STX18: variants seen among roughly 807,000 people sequenced by gnomAD.
STX18 encodes the protein syntaxin 18.
A neutral mutation model predicts 50.1 loss-of-function variants in STX18; 40 were observed. That is an observed-to-expected ratio of 0.80 (90% CI 0.62 to 1.04). STX18 has a LOEUF of 1.04. Among genes scored for constraint, STX18 ranks in the 50% least tolerant of loss-of-function variants. The pLI is 0.00. For missense variants in STX18, 410 were observed against 415.8 expected, an observed-to-expected ratio of 0.99 and a Z score of 0.12; for synonymous variants, 158 against 151.8, an observed-to-expected ratio of 1.04 and a Z score of -0.30.
chr4:4,467,897 C>CA (rs1043625382), intron 2 of STX18, among the ~76,000 whole-genome samples: 3 of 151,574 alleles, frequency 2.0e-5, no homozygotes, highest in Non-Finnish European at 4.4e-5. Flanking sequence ...TGAGAGGAGC[C>CA]AAAAAAATAC....
At chr4:4,448,800 C>A (rs757474397) in intron 5 of STX18, among the ~76,000 whole-genome samples, 6 of 152,162 alleles carry the variant, frequency 3.9e-5, no homozygotes, top group Non-Finnish European at 7.4e-5. Flanking sequence ...TACCACCTAA[C>A]CTCTAGGCCT....
At chr4:4,535,944 C>A (rs1013489905) in intron 1 of STX18, among the ~76,000 whole-genome samples, 3 of 152,204 alleles carry the variant, frequency 2.0e-5, no homozygotes, top group Admixed American at 1.3e-4. Context: ...AACACTGGCA[C>A]AGAAAGTCAA....
chr4:4,511,743 T>TGTGC (rs1730016565), intron 1 of STX18, among the ~76,000 whole-genome samples: 1 of 150,870 alleles, frequency 6.6e-6, no homozygotes, highest in African/African-American at 2.5e-5. Flanking sequence ...TGTGTGTGTG[T>TGTGC]GTGTGTGTGT....
At chr4:4,523,464 C>T (rs147005777) in intron 1 of STX18, among the ~76,000 whole-genome samples, 1 of 152,296 alleles carries the variant, frequency 6.6e-6, no homozygotes, top group African/African-American at 2.4e-5. Context: ...TTACAACTGC[C>T]TGGGAAACGT....
In STX18 at chr4:4,419,492, A is replaced by G. The variant is rs1231673989; in HGVS notation, c.*542T>C. ...CAACACATTAAGGGGCTGTAATTAT[A>G]TTTATTAGATTAACAAGGCAGATGT... On this transcript the variant is annotated 3_prime_UTR_variant, in exon 11 of 11. Transcript: ENST00000306200. The G allele has an allele frequency of 6.6e-6, 1 of 152,600 alleles. No individual in the cohort carries two copies. The highest frequency in any genetic ancestry group is 1.5e-5 in the Non-Finnish European group (1 of 68,328). The allele number at this position is 152,600 out of a possible 1,614,324, so 9.5% of individuals were successfully genotyped here.
chr4:4,427,015 T>C (rs1376021093), intron 7 of STX18, among the ~76,000 whole-genome samples: 1 of 152,180 alleles, frequency 6.6e-6, no homozygotes, highest in Non-Finnish European at 1.5e-5. Context: ...TCTCTTACTT[T>C]CTCACTCTTG....
chr4:4,520,159 T>C (rs1449488006), intron 1 of STX18, among the ~76,000 whole-genome samples: 1 of 152,194 alleles, frequency 6.6e-6, no homozygotes, highest in Non-Finnish European at 1.5e-5. Context: ...ATACATTTTA[T>C]TGCTTTTCAG....
At chr4:4,445,431 CA>C (rs1318714682) in intron 5 of STX18, among the ~76,000 whole-genome samples, 2 of 147,624 alleles carry the variant, frequency 1.4e-5, no homozygotes, top group Admixed American at 6.7e-5. Context: ...AAACAAAAAA[CA>C]AAAAAAAAGA....
At chr4:4,487,628 G>A (rs1560189462) in intron 1 of STX18, among the ~76,000 whole-genome samples, 1 of 152,164 alleles carries the variant, frequency 6.6e-6, no homozygotes, top group Admixed American at 6.5e-5. Context: ...CCAAAGAGGT[G>A]TTACCTGCAG....
intron 1 of STX18, among the ~76,000 whole-genome samples, chr4:4,497,326 A>T (rs1349086230): frequency 6.6e-6 from 1 of 152,238 alleles, no homozygotes; most frequent in Non-Finnish European, 1.5e-5. Flanking sequence ...CTTATAATGC[A>T]CCATCAGGGC....
intron 1 of STX18, among the ~76,000 whole-genome samples, chr4:4,540,822 ATC>A (rs1731551662): frequency 6.6e-6 from 1 of 152,226 alleles, no homozygotes; most frequent in African/African-American, 2.4e-5. Context: ...ATTCAAAAAT[ATC>A]TGAGTGTCTA....
chr4:4,420,572 T>G lies in STX18; in HGVS notation c.912+292A>C, dbSNP rs1424661135. 6.6e-6 allele frequency: 3 copies of G among 457,752 alleles called. No individual in the cohort carries two copies. Among genetic ancestry groups the G allele is most frequent in the East Asian group, 4.0e-5 (1 of 25,162 alleles). The allele number at this position is 457,752 out of a possible 1,614,324, so 28.4% of individuals were successfully genotyped here. On this transcript the variant is annotated intron_variant, in intron 10 of 10. Coordinates refer to ENST00000306200, the MANE Select transcript of STX18 (RefSeq NM_016930.4). The surrounding 1 kb of genome is among the most constrained non-coding windows in gnomAD (Gnocchi z 4.3). ...TCGGTGGGGGCCAACGAGCTACCCATGTACATCCCTGGACATGAAGAGCTG... is the reference window on the plus strand; with the variant it reads ...TCGGTGGGGGCCAACGAGCTACCCAGGTACATCCCTGGACATGAAGAGCTG...
intron 5 of STX18, chr4:4,453,640 C>A (rs990643033): frequency 4.1e-6 from 4 of 978,340 alleles, no homozygotes; most frequent in Non-Finnish European, 3.6e-6. Flanking sequence ...CTCCGAGGTA[C>A]GCCTGTCCTT....
chr4:4,497,738 C>G (rs1013360650), intron 1 of STX18, among the ~76,000 whole-genome samples: 1 of 152,160 alleles, frequency 6.6e-6, no homozygotes, highest in Admixed American at 6.5e-5. Flanking sequence ...TCCATATTGC[C>G]TACCATGTTA....
chr4:4,524,395 T>G (rs1200257451), intron 1 of STX18, among the ~76,000 whole-genome samples: 1 of 152,224 alleles, frequency 6.6e-6, no homozygotes, highest in Non-Finnish European at 1.5e-5. Flanking sequence ...CTGCATCAGA[T>G]GCAGAGCTGG....
intron 1 of STX18, among the ~76,000 whole-genome samples, chr4:4,528,542 C>G (rs1003844905): frequency 2.0e-5 from 3 of 152,238 alleles, no homozygotes; most frequent in Non-Finnish European, 4.4e-5. Flanking sequence ...GCTTCTCGTA[C>G]AGTCTGCAGA....
At chr4:4,482,378 C>T (rs1205415309) in intron 1 of STX18, among the ~76,000 whole-genome samples, 5 of 152,212 alleles carry the variant, frequency 3.3e-5, no homozygotes, top group South Asian at 2.1e-4. Flanking sequence ...TATGTCCCAA[C>T]GGTATCCTCA....
chr4:4,442,437 T>G (rs180701142), intron 5 of STX18, among the ~76,000 whole-genome samples: 150 of 152,004 alleles, frequency 9.9e-4, no homozygotes, highest in African/African-American at 3.5e-3. Flanking sequence ...GCCAACATGG[T>G]GAAAGCCTGT....
intron 2 of STX18, among the ~76,000 whole-genome samples, chr4:4,464,183 A>G (rs1235667068): frequency 2.0e-5 from 3 of 152,232 alleles, no homozygotes; most frequent in African/African-American, 4.8e-5. Flanking sequence ...TCATTAATTT[A>G]CATAATACAT....
Sources: gnomAD v4.1 joint callset for allele counts (sites outside exome capture counted in the v4.1 genomes callset) on GRCh38, gnomAD v4.1.1 for gene constraint, Gnocchi (gnomAD v3.1) non-coding constraint, MANE v1.5 for transcripts, NCBI Gene and HGNC (gene_info 2026-07-23, HGNC 2026-07-21) for gene names.